CSDE1: variants seen among roughly 807,000 people sequenced by gnomAD.
The protein encoded by CSDE1 is cold shock domain-containing protein E1.
A neutral mutation model predicts 89.3 loss-of-function variants in CSDE1; 17 were observed. The ratio of observed to expected loss-of-function variants is 0.19; its 90% CI spans 0.13 to 0.29. CSDE1 has a LOEUF of 0.29. CSDE1 is among the 10% of genes least tolerant of loss of function. CSDE1 has a pLI of 1.00. For synonymous variants in CSDE1, 322 were observed against 332.8 expected, an observed-to-expected ratio of 0.97 and a Z score of 0.35; for missense variants, 672 against 984.2, an observed-to-expected ratio of 0.68 and a Z score of 4.24.
chr1:114,755,263 A>G lies in CSDE1; in HGVS notation c.-388+2662T>C, dbSNP rs553092048. Among the ~76,000 whole-genome samples, 3 of 152,342 alleles carry G rather than the reference A, an allele frequency of 2.0e-5. No homozygotes were observed. The South Asian group carries it at 6.2e-4, about 32-fold the overall frequency. ...CTGAGCAGGGGTCTAAAAAAGCACT[A>G]TTGTGCCAATTAGCAACAGGAAGTA... On this transcript the variant is annotated intron_variant, in intron 1 of 19. Transcript: ENST00000358528.
At chr1:114,736,914 T>C in intron 5 of CSDE1, 59 bp from the exon 6 acceptor site, 1 of 1,301,258 alleles carries the variant, frequency 7.7e-7, no homozygotes, top group Non-Finnish European at 1.1e-6. Context: ...CTGTATACTG[T>C]GATTTACTTA....
At chr1:114,736,672 T>A in intron 6 of CSDE1, 86 bp downstream of exon 6, 1 of 754,124 alleles carries the variant, frequency 1.3e-6, no homozygotes, top group East Asian at 2.7e-5. Context: ...ACTTACAAGT[T>A]AGGTTTTTAA....
rs188717053 is a variant in CSDE1, at chr1:114,735,027, A to T, written c.501-504T>A. Among the ~76,000 whole-genome samples, 336 of 152,348 alleles carry T rather than the reference A, an allele frequency of 2.2e-3. 2 individuals are homozygous for T. The highest frequency in any genetic ancestry group is 7.8e-3 in the African/African-American group (325 of 41,586). On this transcript the variant is annotated intron_variant, in intron 6 of 19. Transcript: ENST00000358528. ...GAGTGCTAAATTTAGTAGCTATCTC[A>T]TTAATTATTTCTGAGTAAACAGCCA... is the stretch of plus-strand genomic sequence containing the variant.
chr1:114,736,438 G>A (rs1025046516), intron 6 of CSDE1, among the ~76,000 whole-genome samples: 4 of 152,084 alleles, frequency 2.6e-5, no homozygotes, highest in African/African-American at 9.7e-5. Flanking sequence ...TAATCATAAT[G>A]CTTTTTTCTC....
intron 1 of CSDE1, chr1:114,756,692 T>C (rs1488887885): frequency 6.6e-6 from 1 of 152,210 alleles, no homozygotes; most frequent in African/African-American, 2.4e-5. Context: ...TTGAGCATTC[T>C]CCCTCTCCGC....
intron 2 of CSDE1, among the ~76,000 whole-genome samples, chr1:114,744,895 G>C (rs1660932791): frequency 6.6e-6 from 1 of 152,064 alleles, no homozygotes; most frequent in Non-Finnish European, 1.5e-5. Flanking sequence ...ACAGTGCCTG[G>C]CACAGAGCAG....
At chr1:114,732,879 CAAG>C (rs1660179696) in intron 9 of CSDE1, 63 bp from the exon 10 acceptor site, 23 of 1,363,656 alleles carry the variant, frequency 1.7e-5, no homozygotes, top group Non-Finnish European at 2.4e-5. Context: ...CTAAGTCAAA[CAAG>C]AAGAACACAT....
intron 16 of CSDE1, among the ~76,000 whole-genome samples, chr1:114,723,226 T>C (rs1471829027): frequency 6.6e-6 from 1 of 152,192 alleles, no homozygotes; most frequent in Non-Finnish European, 1.5e-5. Flanking sequence ...AATTCTGCTA[T>C]CCTAATCATC....
chr1:114,737,154 A>G (rs915406373), intron 5 of CSDE1, among the ~76,000 whole-genome samples: 4 of 152,114 alleles, frequency 2.6e-5, no homozygotes, highest in Non-Finnish European at 4.4e-5. Flanking sequence ...GGCATTCCAA[A>G]CAAAAAAAGC....
chr1:114,754,891 A>G (rs1305859774), intron 1 of CSDE1, among the ~76,000 whole-genome samples: 4 of 152,238 alleles, frequency 2.6e-5, no homozygotes, highest in Non-Finnish European at 5.9e-5. Context: ...AGTTTTAAGC[A>G]GGACAAATGG....
intron 2 of CSDE1, chr1:114,746,589 T>C (rs1451579177): frequency 6.6e-6 from 1 of 152,182 alleles, no homozygotes; most frequent in Non-Finnish European, 1.5e-5. Flanking sequence ...AATGAGTTGC[T>C]GCACGTAAAA....
chr1:114,751,755 T>G (rs1331041587), intron 1 of CSDE1, among the ~76,000 whole-genome samples: 4 of 152,060 alleles, frequency 2.6e-5, no homozygotes, highest in African/African-American at 4.8e-5. Context: ...ACAACTGGTT[T>G]GAGGTAGGGC....
At chr1:114,729,874 G>A (rs1660009227) in intron 12 of CSDE1, among the ~76,000 whole-genome samples, 1 of 152,058 alleles carries the variant, frequency 6.6e-6, no homozygotes, top group African/African-American at 2.4e-5. Context: ...GTTTTAAATT[G>A]CCTGGAAGAC....
At chr1:114,738,539 T>C (rs1029180973) in intron 3 of CSDE1, among the ~76,000 whole-genome samples, 7 of 152,084 alleles carry the variant, frequency 4.6e-5, no homozygotes, top group African/African-American at 7.2e-5. Context: ...ACCAAAACAA[T>C]GTTCCTATAG....
chr1:114,729,621 C>T (rs1659997890), intron 12 of CSDE1, among the ~76,000 whole-genome samples: 1 of 151,930 alleles, frequency 6.6e-6, no homozygotes, highest in Non-Finnish European at 1.5e-5. Context: ...ATGCTCTTTC[C>T]TGTCTCCATC....
chr1:114,732,306 T>C (rs1660148810), intron 10 of CSDE1, among the ~76,000 whole-genome samples: 1 of 152,202 alleles, frequency 6.6e-6, no homozygotes, highest in Non-Finnish European at 1.5e-5. Context: ...CTTTCTACAA[T>C]GATGAACTTG....
At chr1:114,739,980 A>G (rs1419741856) in intron 2 of CSDE1, 90 bp from the exon 3 acceptor site, 24 of 1,101,472 alleles carry the variant, frequency 2.2e-5, no homozygotes, top group Non-Finnish European at 3.0e-5. Flanking sequence ...AATCTTCCAT[A>G]TAAAAACGCA....
intron 2 of CSDE1, chr1:114,741,614 G>T: frequency 6.5e-7 from 1 of 1,548,776 alleles, no homozygotes; most frequent in Non-Finnish European, 8.7e-7. Flanking sequence ...GTGAAGGAGG[G>T]GCTGCAGGAG....
At chr1:114,733,175 T>C (rs1214636714) in intron 9 of CSDE1, among the ~76,000 whole-genome samples, 1 of 152,146 alleles carries the variant, frequency 6.6e-6, no homozygotes, top group Non-Finnish European at 1.5e-5. Context: ...TCCAATCAGG[T>C]GCTTTCCAAT....
Sources: allele counts gnomAD v4.1 joint callset (sites outside exome capture counted in the v4.1 genomes callset), GRCh38; gene constraint gnomAD v4.1.1; transcripts MANE v1.5; gene names NCBI Gene and HGNC (gene_info 2026-07-23, HGNC 2026-07-21).